Variants in PREX2 observed in about 807,000 individuals in gnomAD.
The protein encoded by PREX2 is phosphatidylinositol-3,4,5-trisphosphate dependent Rac exchange factor 2, also known as phosphatidylinositol 3,4,5-trisphosphate-dependent Rac exchanger 2 protein.
A neutral mutation model predicts 203.2 loss-of-function variants in PREX2; 107 were observed. The ratio of observed to expected loss-of-function variants is 0.53; its 90% confidence interval spans 0.45 to 0.62. The LOEUF (loss-of-function observed/expected upper bound fraction) is 0.62. PREX2 is among the 20% of genes least tolerant of loss of function. The pLI is 0.00. For missense variants in PREX2, 1,777 were observed against 1,955.9 expected, an observed-to-expected ratio of 0.91 and a Z score of 1.72; for synonymous variants, 672 against 663.6, an observed-to-expected ratio of 1.01 and a Z score of -0.19.
At chr8:68,192,298 C>T (rs373729469) in intron 36 of PREX2, 37 bp from the exon 37 acceptor site, 1 of 1,503,608 alleles carries the variant, frequency 6.7e-7, no homozygotes, top group Non-Finnish European at 9.0e-7. Context: ...TTTTACTAAA[C>T]ATGTTGAACT....
intron 22 of PREX2, among the ~76,000 whole-genome samples, chr8:68,098,049 G>A (rs1293710722): frequency 6.6e-6 from 1 of 152,160 alleles, no homozygotes; most frequent in Non-Finnish European, 1.5e-5. Flanking sequence ...GAAACAAGAT[G>A]GAGAGGAAGG....
intron 11 of PREX2, among the ~76,000 whole-genome samples, chr8:68,063,750 A>G (rs529453215): frequency 6.6e-6 from 1 of 152,310 alleles, no homozygotes; most frequent in East Asian, 1.9e-4. Context: ...GTAAAAAGAC[A>G]GACTTAAACT....
At chr8:68,177,989 A>G (rs1403576223) in intron 35 of PREX2, among the ~76,000 whole-genome samples, 1 of 152,180 alleles carries the variant, frequency 6.6e-6, no homozygotes, top group African/African-American at 2.4e-5. Flanking sequence ...TTATGGCTGC[A>G]TAGTATTCCA....
At chr8:68,014,034 A>T (rs866136996) in intron 1 of PREX2, among the ~76,000 whole-genome samples, 3 of 152,306 alleles carry the variant, frequency 2.0e-5, no homozygotes, top group Middle Eastern at 6.8e-3. Flanking sequence ...GTTGAAAGAG[A>T]TCATTTTGTA....
intron 10 of PREX2, among the ~76,000 whole-genome samples, chr8:68,057,830 T>G (rs1360467414): frequency 1.3e-5 from 2 of 152,210 alleles, no homozygotes; most frequent in African/African-American, 2.4e-5. Flanking sequence ...ACACCCTGCC[T>G]TCTTCAGGTG....
intron 37 of PREX2, among the ~76,000 whole-genome samples, chr8:68,206,803 G>C (rs894439498): frequency 1.3e-5 from 2 of 152,176 alleles, no homozygotes; most frequent in African/African-American, 4.8e-5. Context: ...GAGACCCCAG[G>C]ATGCCTGCCT....
At chr8:68,206,627 T>C (rs1812631336) in intron 37 of PREX2, among the ~76,000 whole-genome samples, 1 of 152,216 alleles carries the variant, frequency 6.6e-6, no homozygotes, top group Non-Finnish European at 1.5e-5. Flanking sequence ...AGACTAGGGT[T>C]TTATTTCCTA....
intron 20 of PREX2, among the ~76,000 whole-genome samples, chr8:68,093,387 T>C (rs1809946646): frequency 1.3e-5 from 1 of 77,944 alleles, no homozygotes; most frequent in South Asian, 5.1e-4. Context: ...GGAAACTCCA[T>C]CTCAAAAAAA....
chr8:68,146,097 G>C, intron 33 of PREX2, 112 bp from the exon 34 acceptor site: 2 of 684,720 alleles, frequency 2.9e-6, no homozygotes, highest in Admixed American at 2.9e-5. Flanking sequence ...ACATGATCAC[G>C]TTTAATATAT....
chr8:68,139,146 T>G (rs982743539), intron 33 of PREX2, among the ~76,000 whole-genome samples: 5 of 152,098 alleles, frequency 3.3e-5, no homozygotes, highest in African/African-American at 1.2e-4. Flanking sequence ...ATAGGCAAAA[T>G]AATTTTATAA....
chr8:68,216,548 TGC>T (rs1812841562), intron 37 of PREX2, among the ~76,000 whole-genome samples: 1 of 152,168 alleles, frequency 6.6e-6, no homozygotes, highest in African/African-American at 2.4e-5. Context: ...TTCTTTTTAG[TGC>T]ATGCAAAAGA....
At chr8:68,027,154 TG>T in intron 4 of PREX2, 67 bp from the exon 5 acceptor site, 2 of 1,151,578 alleles carry the variant, frequency 1.7e-6, no homozygotes, top group African/African-American at 1.5e-5. Flanking sequence ...TAGCATTTTA[TG>T]GTGGAAGAAA....
intron 38 of PREX2, among the ~76,000 whole-genome samples, chr8:68,222,652 G>A (rs775700671): frequency 3.7e-5 from 5 of 135,936 alleles, no homozygotes; most frequent in Non-Finnish European, 8.1e-5. Context: ...AAAGTTTGAA[G>A]AGAAACAGGA....
At chr8:68,115,475 A>G (rs1810635810) in intron 25 of PREX2, among the ~76,000 whole-genome samples, 1 of 152,254 alleles carries the variant, frequency 6.6e-6, no homozygotes, top group African/African-American at 2.4e-5. Flanking sequence ...AGTGTCAAAC[A>G]AAACTATCAC....
intron 1 of PREX2, among the ~76,000 whole-genome samples, chr8:67,989,748 T>C (rs898495181): frequency 6.6e-6 from 1 of 152,202 alleles, no homozygotes; most frequent in African/African-American, 2.4e-5. Flanking sequence ...AGACTCAAAA[T>C]TATCCTCTAG....
intron 37 of PREX2, among the ~76,000 whole-genome samples, chr8:68,212,891 A>G (rs762757283): frequency 6.6e-6 from 1 of 152,224 alleles, no homozygotes; most frequent in Non-Finnish European, 1.5e-5. Flanking sequence ...TAGCATATGA[A>G]CCATAAATTT....
At chr8:68,216,551 A>T (rs1441495258) in intron 37 of PREX2, among the ~76,000 whole-genome samples, 1 of 152,222 alleles carries the variant, frequency 6.6e-6, no homozygotes, top group African/African-American at 2.4e-5. Flanking sequence ...TTTTTAGTGC[A>T]TGCAAAAGAA....
intron 33 of PREX2, among the ~76,000 whole-genome samples, chr8:68,144,924 T>C (rs1365376628): frequency 6.6e-6 from 1 of 152,224 alleles, no homozygotes; most frequent in African/African-American, 2.4e-5. Flanking sequence ...TATTTTTCTT[T>C]CAATAACATT....
intron 5 of PREX2, 146 bp from the exon 6 acceptor site, chr8:68,030,351 T>A: frequency 1.5e-6 from 1 of 660,440 alleles, no homozygotes. Context: ...ATTCAAACTT[T>A]TATTTTTGAT....
Sources: allele counts gnomAD v4.1 joint callset (sites outside exome capture counted in the v4.1 genomes callset), GRCh38; gene constraint gnomAD v4.1.1; transcripts MANE v1.5; gene names NCBI Gene and HGNC (gene_info 2026-07-23, HGNC 2026-07-21).